SHROOM3: variants seen among roughly 807,000 people sequenced by gnomAD.
SHROOM3 encodes shroom family member 3.
A neutral mutation model predicts 138.6 loss-of-function variants in SHROOM3; 47 were observed. The ratio of observed to expected loss-of-function variants is 0.34; its 90% confidence interval spans 0.27 to 0.43. The LOEUF (loss-of-function observed/expected upper bound fraction) is 0.43. Among genes scored for constraint, SHROOM3 ranks in the 20% least tolerant of loss-of-function variants. The pLI is 1.00. For missense variants in SHROOM3, 2,491 were observed against 2,596.5 expected, an observed-to-expected ratio of 0.96 and a Z score of 0.88; for synonymous variants, 1,062 against 1,063.3, an observed-to-expected ratio of 1.00 and a Z score of 0.02.
At chr4:76,774,890 T>C (rs1722496909) in intron 10 of SHROOM3, among the ~76,000 whole-genome samples, 1 of 152,110 alleles carries the variant, frequency 6.6e-6, no homozygotes, top group Non-Finnish European at 1.5e-5. Context: ...ACATAAGCTA[T>C]TTTGTATTGA....
chr4:76,465,194 A>G (rs1405429060), intron 1 of SHROOM3, among the ~76,000 whole-genome samples: 1 of 152,238 alleles, frequency 6.6e-6, no homozygotes, highest in Non-Finnish European at 1.5e-5. Context: ...ATATGTATGT[A>G]TGCATACCTA....
At chr4:76,506,900 C>T (rs1732222702) in intron 1 of SHROOM3, among the ~76,000 whole-genome samples, 1 of 152,086 alleles carries the variant, frequency 6.6e-6, no homozygotes, top group Admixed American at 6.6e-5. Flanking sequence ...TTCCTTTCCC[C>T]CATTTATGAT....
At chr4:76,770,479 C>A in intron 9 of SHROOM3, 147 bp from the exon 10 acceptor site, 8 of 795,050 alleles carry the variant, frequency 1.0e-5, no homozygotes, top group African/African-American at 5.1e-5. Context: ...GCTATTATGG[C>A]ATAATATTGG....
At chr4:76,759,477 AC>A in intron 8 of SHROOM3, 67 bp from the exon 9 acceptor site, 4 of 1,589,680 alleles carry the variant, frequency 2.5e-6, no homozygotes, top group Non-Finnish European at 3.5e-6. Flanking sequence ...GAATGGACTG[AC>A]ATCTGCAGTG....
intron 3 of SHROOM3, among the ~76,000 whole-genome samples, chr4:76,711,234 T>C (rs1157293274): frequency 2.0e-5 from 3 of 152,184 alleles, no homozygotes; most frequent in African/African-American, 7.2e-5. Context: ...AGACTTGTTA[T>C]AGAAGCTCTC....
chr4:76,778,739 C>G (rs1722656006), intron 10 of SHROOM3, 70 bp from the exon 11 acceptor site: 1 of 1,603,598 alleles, frequency 6.2e-7, no homozygotes, highest in Admixed American at 1.7e-5. Flanking sequence ...TCAGAGGTGT[C>G]CTTGCAGGGA....
At chr4:76,644,929 A>T (rs886852488) in intron 2 of SHROOM3, among the ~76,000 whole-genome samples, 1 of 152,188 alleles carries the variant, frequency 6.6e-6, no homozygotes, top group East Asian at 1.9e-4. Flanking sequence ...GCTAGTACTT[A>T]TGTAGTACTT....
At chr4:76,524,269 A>G (rs1732632537) in intron 1 of SHROOM3, among the ~76,000 whole-genome samples, 1 of 152,224 alleles carries the variant, frequency 6.6e-6, no homozygotes, top group Non-Finnish European at 1.5e-5. Context: ...CATGGGACCC[A>G]GAACACAATG....
intron 6 of SHROOM3, among the ~76,000 whole-genome samples, chr4:76,751,160 C>CT (rs1366651102): frequency 6.6e-6 from 1 of 151,360 alleles, no homozygotes; most frequent in Admixed American, 6.6e-5. Flanking sequence ...GTATAACACT[C>CT]TTTTTTTTCT....
chr4:76,485,797 A>G (rs1731716900), intron 1 of SHROOM3, among the ~76,000 whole-genome samples: 2 of 152,184 alleles, frequency 1.3e-5, no homozygotes, highest in Non-Finnish European at 2.9e-5. Context: ...TAGTAGATAC[A>G]GGGATGTTTC....
chr4:76,574,404 G>A (rs1403321404), intron 2 of SHROOM3, among the ~76,000 whole-genome samples: 5 of 152,124 alleles, frequency 3.3e-5, no homozygotes. Context: ...GAACTCTGGA[G>A]TTTGAGCCTA....
intron 9 of SHROOM3, among the ~76,000 whole-genome samples, chr4:76,761,770 A>AT (rs1385062627): frequency 2.0e-5 from 3 of 152,190 alleles, no homozygotes; most frequent in African/African-American, 7.2e-5. Context: ...GTTTCGAGTC[A>AT]TTTGGAGTGC....
At position 76,740,802 on chromosome 4, in the gene SHROOM3, G is replaced by T; in HGVS notation, c.2629G>T (p.Gly877Cys). 6.2e-7 allele frequency: 1 copy of T among 1,608,618 alleles called. No individual in the cohort carries two copies. ...CGGAGGAGCGTCGGACAGCGGCCGT[G>T]GCCCCCAGAGGCCGGACGCTCGGCT... ...LSGGASDSGRGPQRPDARLLR... is the reference protein window; with the variant it reads ...LSGGASDSGRCPQRPDARLLR... The change falls in exon 5 of 11, where the codon GGC (glycine) becomes TGC (cysteine). Residue 877 changes from glycine to cysteine, a missense_variant. Transcript: ENST00000296043. This position sits in a 1 kb window ranked among gnomAD's most constrained non-coding sequence, Gnocchi z 4.0.
chr4:76,745,195 G>T (rs764849360), intron 5 of SHROOM3, among the ~76,000 whole-genome samples: 3 of 152,216 alleles, frequency 2.0e-5, no homozygotes, highest in Non-Finnish European at 2.9e-5. Context: ...CCTTGGAAAA[G>T]TTAACCTGTT....
In SHROOM3 at chr4:76,672,118, C is replaced by T. The variant is rs149220020; in HGVS notation, c.324-38038C>T. Among the ~76,000 whole-genome samples, 1,343 of 151,092 alleles carry T rather than the reference C, an allele frequency of 8.9e-3. 21 individuals carry two copies. The highest frequency in any genetic ancestry group is 0.027 in the Middle Eastern group (8 of 294). ...AAACAGGAGCTTTATATACAATTTCCATGAAGGACACAGTGAGAAAGAAAG... is the reference window on the plus strand; with the variant it reads ...AAACAGGAGCTTTATATACAATTTCTATGAAGGACACAGTGAGAAAGAAAG... On this transcript the variant is annotated intron_variant, in intron 2 of 10. Coordinates refer to ENST00000296043, the MANE Select transcript of SHROOM3 (RefSeq NM_020859.4).
At chr4:76,458,382 T>C (rs1579167140) in intron 1 of SHROOM3, among the ~76,000 whole-genome samples, 1 of 152,208 alleles carries the variant, frequency 6.6e-6, no homozygotes, top group African/African-American at 2.4e-5. Flanking sequence ...TTTTGTATCT[T>C]TTTCTGAAGT....
At chr4:76,765,223 ACT>A (rs760255927) in intron 9 of SHROOM3, among the ~76,000 whole-genome samples, 1 of 150,932 alleles carries the variant, frequency 6.6e-6, no homozygotes, top group Non-Finnish European at 1.5e-5. Flanking sequence ...TGTTTTAAAG[ACT>A]CTTGTAGATT....
At chr4:76,615,214 C>T (rs537550315) in intron 2 of SHROOM3, among the ~76,000 whole-genome samples, 2 of 152,316 alleles carry the variant, frequency 1.3e-5, no homozygotes, top group South Asian at 4.1e-4. Flanking sequence ...CAAAATCGTC[C>T]CTTTGCTTAC....
chr4:76,534,687 G>A (rs938290405), intron 1 of SHROOM3, among the ~76,000 whole-genome samples: 5 of 152,140 alleles, frequency 3.3e-5, no homozygotes, highest in African/African-American at 1.2e-4. Flanking sequence ...TTAGCCCACA[G>A]TTTCTCATCA....
Sources: gnomAD v4.1 joint callset for allele counts (sites outside exome capture counted in the v4.1 genomes callset) on GRCh38, gnomAD v4.1.1 for gene constraint, Gnocchi (gnomAD v3.1) non-coding constraint, MANE v1.5 for transcripts, NCBI Gene and HGNC (gene_info 2026-07-23, HGNC 2026-07-21) for gene names.